ROBO1: variants seen among roughly 807,000 people sequenced by gnomAD.
ROBO1 encodes roundabout homolog 1.
ROBO1 carries 149 observed loss-of-function variants against 195.9 expected under a neutral mutation model. The observed-to-expected ratio is 0.76, with a 90% confidence interval of 0.67 to 0.87. The LOEUF is 0.87. Among genes scored for constraint, ROBO1 ranks in the 40% least tolerant of loss-of-function variants. ROBO1 has a pLI of 0.00. For synonymous variants in ROBO1, 816 were observed against 733.2 expected (o/e 1.11, Z -1.82); for missense variants, 1,933 against 2,068.3 (o/e 0.93, Z 1.27).
At chr3:78,701,508 G>A (rs2081421031) in intron 8 of ROBO1, among the ~76,000 whole-genome samples, 1 of 152,136 alleles carries the variant, frequency 6.6e-6, no homozygotes, top group South Asian at 2.1e-4. Flanking sequence ...CTAGCATAGA[G>A]TTATATGATT....
At chr3:78,626,624 C>G (rs970046987) in intron 26 of ROBO1, among the ~76,000 whole-genome samples, 15 of 151,960 alleles carry the variant, frequency 9.9e-5, no homozygotes, top group African/African-American at 2.9e-4. Context: ...GAGAGAAGAG[C>G]TAAAATGGTG....
intron 2 of ROBO1, among the ~76,000 whole-genome samples, chr3:79,290,352 C>A (rs904737498): frequency 1.3e-5 from 2 of 151,942 alleles, no homozygotes; most frequent in African/African-American, 2.4e-5. Flanking sequence ...TCATATCTAA[C>A]CATTTGCCTC....
chr3:78,943,234 T>C (rs941372542), intron 3 of ROBO1, among the ~76,000 whole-genome samples: 2 of 151,482 alleles, frequency 1.3e-5, no homozygotes, highest in Non-Finnish European at 2.9e-5. Flanking sequence ...CAAAGAAAGG[T>C]TTTTGTTTTG....
intron 3 of ROBO1, among the ~76,000 whole-genome samples, chr3:79,000,913 C>T (rs950552050): frequency 3.9e-5 from 6 of 152,110 alleles, no homozygotes; most frequent in African/African-American, 7.2e-5. Context: ...AAATGTGGCA[C>T]GTATACACCA....
At chr3:79,198,819 T>A (rs1049571291) in intron 2 of ROBO1, among the ~76,000 whole-genome samples, 1 of 152,104 alleles carries the variant, frequency 6.6e-6, no homozygotes, top group African/African-American at 2.4e-5. Flanking sequence ...GGGAGTTCAC[T>A]CATGATTTGG....
chr3:79,016,986 T>C (rs1224414064), intron 3 of ROBO1, among the ~76,000 whole-genome samples: 1 of 151,998 alleles, frequency 6.6e-6, no homozygotes, highest in Non-Finnish European at 1.5e-5. Flanking sequence ...TAAGGAAAAA[T>C]AAGGCATTAC....
intron 2 of ROBO1, among the ~76,000 whole-genome samples, chr3:79,350,931 T>C (rs1294308296): frequency 1.3e-5 from 2 of 152,074 alleles, no homozygotes; most frequent in Non-Finnish European, 2.9e-5. Flanking sequence ...CTGGCCTCAA[T>C]TGATCCTCCC....
intron 1 of ROBO1, among the ~76,000 whole-genome samples, chr3:79,603,716 T>C (rs1014624484): frequency 1.3e-5 from 2 of 151,994 alleles, no homozygotes; most frequent in African/African-American, 4.8e-5. Flanking sequence ...TTCAGGGTGA[T>C]TGCCAAATTT....
chr3:79,442,252 A>C (rs548606549), intron 2 of ROBO1, among the ~76,000 whole-genome samples: 1 of 152,240 alleles, frequency 6.6e-6, no homozygotes. Context: ...GTGGAATATT[A>C]TCAGCCTGTA....
intron 2 of ROBO1, among the ~76,000 whole-genome samples, chr3:79,329,409 G>A (rs930033755): frequency 2.0e-5 from 3 of 152,124 alleles, no homozygotes; most frequent in Non-Finnish European, 4.4e-5. Context: ...TTTAACTGTA[G>A]TTTACCATCT....
intron 4 of ROBO1, among the ~76,000 whole-genome samples, chr3:78,934,247 A>G (rs773255550): frequency 1.3e-5 from 2 of 152,018 alleles, no homozygotes; most frequent in Non-Finnish European, 2.9e-5. Context: ...TTTTACATGC[A>G]TTATTTCATT....
At chr3:79,210,539 C>T (rs769425694) in intron 2 of ROBO1, among the ~76,000 whole-genome samples, 2 of 152,118 alleles carry the variant, frequency 1.3e-5, no homozygotes, top group Non-Finnish European at 2.9e-5. Context: ...TGAAGAACTA[C>T]AATTTTCAGA....
chr3:79,437,344 G>T (rs1575824559), intron 2 of ROBO1, among the ~76,000 whole-genome samples: 1 of 151,816 alleles, frequency 6.6e-6, no homozygotes, highest in Non-Finnish European at 1.5e-5. Context: ...CTTCCCTTCC[G>T]TTCCTTTCTG....
chr3:79,226,557 T>C (rs2082230987), intron 2 of ROBO1, among the ~76,000 whole-genome samples: 1 of 151,484 alleles, frequency 6.6e-6, no homozygotes, highest in Admixed American at 6.6e-5. Flanking sequence ...TTTTTTTTTT[T>C]TAAGACAGAG....
intron 4 of ROBO1, among the ~76,000 whole-genome samples, chr3:78,836,902 C>T (rs162875): frequency 0.97 from 147,228 of 152,292 alleles, 71,225 homozygotes; most frequent in East Asian, 1. Context: ...AAAACACCTG[C>T]TGTAAGACAC....
At chr3:79,184,411 G>A (rs1180706308) in intron 2 of ROBO1, among the ~76,000 whole-genome samples, 1 of 152,114 alleles carries the variant, frequency 6.6e-6, no homozygotes, top group Non-Finnish European at 1.5e-5. Flanking sequence ...GCAACATGCT[G>A]TCAACTGAAC....
At position 78,777,021 on chromosome 3, in the gene ROBO1, T is replaced by C. The variant is rs539352088; in HGVS notation, c.500-30121A>G. ...GATCTGCATAAGAAATATTTGTGGA[T>C]GTCATCTCTATAATAATTACTACTA... On this transcript the variant is annotated intron_variant, in intron 4 of 30. Coordinates refer to ENST00000464233, the MANE Select transcript of ROBO1 (RefSeq NM_002941.4). Among the ~76,000 whole-genome samples the C allele has an allele frequency of 5.3e-5, 8 of 152,312 alleles. No homozygotes were observed. The South Asian group carries it at 1.7e-3, about 32-fold the overall frequency.
At chr3:79,073,043 A>T (rs1211062898) in intron 3 of ROBO1, among the ~76,000 whole-genome samples, 1 of 152,006 alleles carries the variant, frequency 6.6e-6, no homozygotes, top group East Asian at 1.9e-4. Context: ...CTAAAAACTG[A>T]CAAAATAATA....
chr3:78,950,097 G>A (rs936426277), intron 3 of ROBO1, among the ~76,000 whole-genome samples: 7 of 152,278 alleles, frequency 4.6e-5, no homozygotes, highest in South Asian at 2.1e-4. Flanking sequence ...GTGGAAGTCC[G>A]TGTGGCGATT....
Sources: gnomAD v4.1 joint callset for allele counts (sites outside exome capture counted in the v4.1 genomes callset) on GRCh38, gnomAD v4.1.1 for gene constraint, MANE v1.5 for transcripts, NCBI Gene and HGNC (gene_info 2026-07-23, HGNC 2026-07-21) for gene names.